PCDH19: variants seen among roughly 807,000 people sequenced by gnomAD.
PCDH19 encodes the protein protocadherin-19.
PCDH19 carries 6 observed loss-of-function variants against 46.2 expected under a neutral mutation model. The observed-to-expected ratio is 0.13, with a 90% confidence interval of 0.07 to 0.26. PCDH19 has a LOEUF of 0.26. Among genes scored for constraint, PCDH19 ranks in the 10% least tolerant of loss-of-function variants. The pLI is 1.00. For missense variants in PCDH19, 740 were observed against 972.3 expected, an observed-to-expected ratio of 0.76 and a Z score of 3.18; for synonymous variants, 481 against 415.7, an observed-to-expected ratio of 1.16 and a Z score of -1.91.
At chrX:100,342,496 T>C (rs928040796) in intron 4 of PCDH19, among the ~76,000 whole-genome samples, 5 of 111,976 alleles carry the variant, frequency 4.5e-5, no homozygotes, top group Non-Finnish European at 9.4e-5. Flanking sequence ...GTTGAAATCA[T>C]CACAACTCTG....
chrX:100,333,191 A>C (rs201826981), intron 5 of PCDH19, among the ~76,000 whole-genome samples: 1 of 46,470 alleles, frequency 2.2e-5, no homozygotes, highest in Admixed American at 2.7e-4. Context: ...GAGAGAAAGA[A>C]AGAAAGAAAG....
chrX:100,327,271 G>A (rs182951842), intron 5 of PCDH19, among the ~76,000 whole-genome samples: 49 of 112,040 alleles, frequency 4.4e-4, no homozygotes, highest in African/African-American at 1.4e-3. Context: ...CATTCTGATA[G>A]GTAATTTCTA....
intron 3 of PCDH19, among the ~76,000 whole-genome samples, chrX:100,378,121 G>A (rs1009815393): frequency 2.7e-5 from 3 of 112,626 alleles, no homozygotes; most frequent in Non-Finnish European, 5.6e-5. Context: ...GAGTAGCCTG[G>A]GCTCAACTCC....
At chrX:100,329,865 T>G (rs1268196629) in intron 5 of PCDH19, among the ~76,000 whole-genome samples, 1 of 111,739 alleles carries the variant, frequency 8.9e-6, no homozygotes, top group Admixed American at 9.5e-5. Context: ...TGAGCTGAGA[T>G]CGCGCCACTG....
intron 3 of PCDH19, among the ~76,000 whole-genome samples, chrX:100,362,473 T>C (rs1161576707): frequency 9.0e-6 from 1 of 110,811 alleles, no homozygotes; most frequent in Non-Finnish European, 1.9e-5. Context: ...TGTTGGTTCC[T>C]GGTAGACCCA....
At chrX:100,351,350 T>C (rs1926564021) in intron 3 of PCDH19, among the ~76,000 whole-genome samples, 1 of 112,858 alleles carries the variant, frequency 8.9e-6, no homozygotes, top group African/African-American at 3.2e-5. Flanking sequence ...TCTCAGCTCC[T>C]ATCATTAGAG....
chrX:100,297,544 C>T (rs767914106), intron 5 of PCDH19, among the ~76,000 whole-genome samples: 3 of 111,737 alleles, frequency 2.7e-5, no homozygotes, highest in Non-Finnish European at 5.6e-5. Context: ...TCAATTGGCC[C>T]TACGCAAACA....
Position 100,342,048 on chromosome X carries a change from G to A in PCDH19, c.2703C>T (p.Gly901=), listed in dbSNP as rs748948987. The change falls in exon 5 of 6, where the codon GGC becomes GGT. Residue 901 remains glycine, a synonymous_variant. Coordinates refer to ENST00000373034, the MANE Select transcript of PCDH19 (RefSeq NM_001184880.2). ...CATGTCCACTATCCTTCAGGCTGTT[G>A]CCCTCTAAGTCCTTGAAGGTGGAGC... ...KSSSTFKDLE[G]NSLKDSGHEE... 8.3e-7 allele frequency: 1 copy of A among 1,209,723 alleles called. No homozygotes were observed. The highest frequency in any genetic ancestry group is 1.1e-6 in the Non-Finnish European group (1 of 893,759).
At chrX:100,297,077 T>C (rs1297858998) in intron 5 of PCDH19, among the ~76,000 whole-genome samples, 1 of 111,062 alleles carries the variant, frequency 9.0e-6, no homozygotes, top group Non-Finnish European at 1.9e-5. Context: ...ATATCCTTTT[T>C]AAGGTTCCCA....
rs747112321 is a variant in PCDH19 at position 100,320,132 on chromosome X, G to A, written c.2848+21771C>T. Among the ~76,000 whole-genome samples, 4 of 111,804 alleles carry A rather than the reference G, an allele frequency of 3.6e-5. No individual in the cohort carries two copies. The East Asian group carries it at 1.1e-3, about 31-fold the overall frequency. ...AGGATTATTACAGCCCAAAGCCCCA[G>A]GAGTAAGAGTCAGATTTCCCACCTT... On this transcript the variant is annotated intron_variant, in intron 5 of 5. Transcript: ENST00000373034.
At chrX:100,348,341 C>T (rs1284564475) in intron 4 of PCDH19, among the ~76,000 whole-genome samples, 1 of 111,469 alleles carries the variant, frequency 9.0e-6, no homozygotes, top group Non-Finnish European at 1.9e-5. Context: ...CCACTCTCAA[C>T]ATTTTCCACA....
intron 3 of PCDH19, among the ~76,000 whole-genome samples, chrX:100,359,319 C>A (rs781243083): frequency 9.0e-6 from 1 of 111,699 alleles, no homozygotes; most frequent in East Asian, 2.8e-4. Context: ...TATAGTCCAG[C>A]AGTTAGACAA....
At chrX:100,351,083 T>C (rs907174970) in intron 3 of PCDH19, among the ~76,000 whole-genome samples, 1 of 112,885 alleles carries the variant, frequency 8.9e-6, no homozygotes, top group African/African-American at 3.2e-5. Context: ...TTTTTATTAG[T>C]AGTAGATAAT....
intron 3 of PCDH19, among the ~76,000 whole-genome samples, chrX:100,376,052 C>T (rs1054535426): frequency 9.1e-6 from 1 of 110,022 alleles, no homozygotes; most frequent in Non-Finnish European, 1.9e-5. Context: ...GCCTGACCAA[C>T]ATGGGGAAAC....
chrX:100,367,098 T>A (rs1425481990), intron 3 of PCDH19, among the ~76,000 whole-genome samples: 1 of 112,528 alleles, frequency 8.9e-6, no homozygotes, highest in Non-Finnish European at 1.9e-5. Context: ...TTCAGAGGCT[T>A]CCCCACAATT....
At chrX:100,374,543 AG>A (rs1417538044) in intron 3 of PCDH19, among the ~76,000 whole-genome samples, 2 of 112,096 alleles carry the variant, frequency 1.8e-5, no homozygotes, top group Non-Finnish European at 3.8e-5. Context: ...CCATTAAATA[AG>A]GCATGTCCAA....
intron 4 of PCDH19, among the ~76,000 whole-genome samples, chrX:100,347,072 GAA>G (rs1361535364): frequency 9.8e-6 from 1 of 101,741 alleles, no homozygotes; most frequent in African/African-American, 3.6e-5. Flanking sequence ...TGACAGTCTG[GAA>G]AAAAAAAAAA....
In PCDH19 at chrX:100,407,794, G is replaced by A; in HGVS notation, c.804C>T (p.Gly268=). The change falls in exon 1 of 6, where the codon GGC becomes GGT. Residue 268 remains glycine (G), a synonymous_variant. Coordinates refer to ENST00000373034, the MANE Select transcript of PCDH19 (RefSeq NM_001184880.2). ...AGGAGTAGACCACCTGGCCGTTGGT[G>A]CCCTCGTCTGGATCGCTGGCGTTGA... ...IRLNASDPDE[G]TNGQVVYSFY... is the part of the protein sequence containing the mutation. The A allele has an allele frequency of 8.2e-7, 1 of 1,212,316 alleles. No individual in the cohort carries two copies. The highest frequency in any genetic ancestry group is 1.1e-6 in the Non-Finnish European group (1 of 895,599).
At chrX:100,363,856 C>CGTGTGTGTGT (rs1555980282) in intron 3 of PCDH19, among the ~76,000 whole-genome samples, 12 of 88,970 alleles carry the variant, frequency 1.3e-4, no homozygotes, top group East Asian at 9.7e-4. Flanking sequence ...AATGTGCGTG[C>CGTGTGTGTGT]GTGTGTGTGT....
Sources: allele counts gnomAD v4.1 joint callset (sites outside exome capture counted in the v4.1 genomes callset), GRCh38; gene constraint gnomAD v4.1.1; transcripts MANE v1.5; gene names NCBI Gene and HGNC (gene_info 2026-07-23, HGNC 2026-07-21).